CYP46A1: variants seen among roughly 807,000 people sequenced by gnomAD.
The protein encoded by CYP46A1 is cholesterol 24-hydroxylase.
CYP46A1 carries 20 observed loss-of-function variants against 63.3 expected under a neutral mutation model. The ratio of observed to expected loss-of-function variants is 0.32; its 90% CI spans 0.22 to 0.46. The LOEUF (loss-of-function observed/expected upper bound fraction) is 0.46. Among genes scored for constraint, CYP46A1 ranks in the 20% least tolerant of loss-of-function variants. The pLI is 1.00. For missense variants in CYP46A1, 445 were observed against 670.8 expected, an observed-to-expected ratio of 0.66 and a Z score of 3.72; for synonymous variants, 268 against 273.6, an observed-to-expected ratio of 0.98 and a Z score of 0.20.
Position 99,718,115 on chromosome 14 carries a change from G to T in CYP46A1, c.969G>T (p.Glu323Asp), listed in dbSNP as rs112687989. The T allele has an allele frequency of 6.2e-7, 1 of 1,614,036 alleles. No individual in the cohort carries two copies. The highest frequency in any genetic ancestry group is 1.3e-5 in the African/African-American group (1 of 74,942). Residue 323 changes from glutamate (E) to aspartate (D), a missense_variant, in exon 10 of 15, where the codon GAG (glutamate) becomes GAT (aspartate). Transcript: ENST00000261835. ...FTVMELSRQPEIVARLQAEVD... is the reference protein window; with the variant it reads ...FTVMELSRQPDIVARLQAEVD... ...TGATGGAGCTGTCTCGCCAGCCAGA[G>T]ATCGTGGCAAGGTATGGGGGCTGCT...
Position 99,722,874 on chromosome 14 carries a change from C to T in CYP46A1, c.1176+808C>T. The T allele has an allele frequency of 2.2e-6, 1 of 450,772 alleles. No individual in the cohort carries two copies. Among genetic ancestry groups the T allele is most frequent in the Non-Finnish European group, 4.5e-6 (1 of 222,804 alleles). 27.9% of individuals were successfully genotyped at this position (450,772 alleles called of 1,614,324 possible). On this transcript the variant is annotated intron_variant, in intron 12 of 14. Coordinates refer to ENST00000261835, the MANE Select transcript of CYP46A1 (RefSeq NM_006668.2). This position sits in a 1 kb window ranked among gnomAD's most constrained non-coding sequence, Gnocchi z 4.6. ...ACCACAGCAACGATGCCATTTCTGTCCGCATGTCCAGGAACAGTGTGCAAG... is the reference window on the plus strand; with the variant it reads ...ACCACAGCAACGATGCCATTTCTGTTCGCATGTCCAGGAACAGTGTGCAAG...
intron 10 of CYP46A1, among the ~76,000 whole-genome samples, chr14:99,720,367 GTTCTTTCT>G (rs1468295016): frequency 1.3e-5 from 2 of 151,470 alleles, no homozygotes; most frequent in African/African-American, 2.4e-5. Flanking sequence ...GTGCGCAAGG[GTTCTTTCT>G]GATTTGTCCA....
chr14:99,698,278 T>G (rs562720406), intron 3 of CYP46A1, among the ~76,000 whole-genome samples: 1 of 152,130 alleles, frequency 6.6e-6, no homozygotes, highest in African/African-American at 2.4e-5. Flanking sequence ...TCTGCCTGAA[T>G]GTACCAGGGG....
At position 99,725,667 on chromosome 14, in the gene CYP46A1, G is replaced by GC. The variant is rs1294347248; in HGVS notation, c.1265+192dup. ...GCCCAAGTGGCAGAGCAGGGGTCTG[G>GC]CCCCAGCTCAGTCTGGTTCTAAAGC... On this transcript the variant is annotated intron_variant, in intron 13 of 14. Transcript: ENST00000261835. The surrounding 1 kb of genome is among the most constrained non-coding windows in gnomAD (Gnocchi z 4.2). Among the ~76,000 whole-genome samples, 1 of 152,148 alleles carries GC rather than the reference G, an allele frequency of 6.6e-6. No homozygotes were observed. Among genetic ancestry groups the GC allele is most frequent in the African/African-American group, 2.4e-5 (1 of 41,428 alleles).
intron 4 of CYP46A1, 126 bp downstream of exon 4, chr14:99,699,665 T>G: frequency 1.0e-6 from 1 of 994,838 alleles, no homozygotes; most frequent in East Asian, 2.4e-5. Flanking sequence ...AGGCATGTGA[T>G]GAGTGCCCCG....
At chr14:99,690,087 T>C (rs1398705323) in intron 1 of CYP46A1, among the ~76,000 whole-genome samples, 1 of 152,178 alleles carries the variant, frequency 6.6e-6, no homozygotes, top group Non-Finnish European at 1.5e-5. Context: ...GCTGTTCCCA[T>C]TGCTTGGAAG....
chr14:99,706,440 A>T, intron 5 of CYP46A1: 2 of 580,926 alleles, frequency 3.4e-6, no homozygotes, highest in Admixed American at 3.1e-5. Flanking sequence ...ATCCATCCTG[A>T]GTGGAGGAGA....
At chr14:99,717,324 G>A (rs918490403) in intron 9 of CYP46A1, among the ~76,000 whole-genome samples, 7 of 152,152 alleles carry the variant, frequency 4.6e-5, no homozygotes, top group South Asian at 2.1e-4. Context: ...CCGAGGGCAC[G>A]GTGGGTTGTG....
chr14:99,694,371 C>CTTTTT (rs74872295), intron 3 of CYP46A1, among the ~76,000 whole-genome samples: 7 of 86,316 alleles, frequency 8.1e-5, no homozygotes, highest in Admixed American at 1.2e-4. Context: ...TTTGGGTTTT[C>CTTTTT]TTTTTTTTTT....
intron 1 of CYP46A1, among the ~76,000 whole-genome samples, chr14:99,684,985 T>G (rs1287222121): frequency 6.6e-6 from 1 of 152,062 alleles, no homozygotes; most frequent in East Asian, 1.9e-4. Flanking sequence ...TTCCTTTTGC[T>G]TGTATTTCTG....
intron 3 of CYP46A1, among the ~76,000 whole-genome samples, chr14:99,692,563 C>T (rs2056553064): frequency 6.7e-6 from 1 of 149,848 alleles, no homozygotes. Flanking sequence ...GGCACAGTGG[C>T]TCATGCCTGT....
At chr14:99,726,528 T>C in intron 14 of CYP46A1, 29 bp from the exon 15 acceptor site, 2 of 1,535,462 alleles carry the variant, frequency 1.3e-6, no homozygotes, top group Non-Finnish European at 8.8e-7. Context: ...GCTCCTTCAT[T>C]CCTTCCTCAT....
intron 7 of CYP46A1, chr14:99,708,162 G>A (rs947293825): frequency 4.7e-5 from 11 of 233,996 alleles, no homozygotes; most frequent in Middle Eastern, 1.6e-3. Flanking sequence ...GCCAGCACCC[G>A]TGCGCATCAT....
At chr14:99,693,944 C>G (rs888632762) in intron 3 of CYP46A1, among the ~76,000 whole-genome samples, 3 of 152,130 alleles carry the variant, frequency 2.0e-5, no homozygotes, top group Non-Finnish European at 4.4e-5. Context: ...TTTTCATCTT[C>G]CCTAACTGAA....
In CYP46A1 at chr14:99,695,540, C is replaced by A. The variant is rs186608965; in HGVS notation, c.282+3679C>A. ...TGACTCTTTTATCCTTAGAAATGTT[C>A]ATCTTTATTCTTAATAACATTCTTT... On this transcript the variant is annotated intron_variant, in intron 3 of 14. Transcript: ENST00000261835. 491 of 264,196 alleles carry A rather than the reference C, an allele frequency of 1.9e-3. 1 individual carries two copies. The highest frequency in any genetic ancestry group is 0.01 in the African/African-American group (444 of 43,774). The allele number at this position is 264,196 out of a possible 1,614,324, so 16.4% of individuals were successfully genotyped here. A position where few individuals can be genotyped will look rare whatever the true frequency, so the allele number is the denominator to read the frequency against.
intron 7 of CYP46A1, among the ~76,000 whole-genome samples, chr14:99,714,490 G>C (rs980135286): frequency 5.9e-5 from 9 of 152,134 alleles, no homozygotes; most frequent in African/African-American, 2.2e-4. Flanking sequence ...GCTGGGTGTG[G>C]CGGTTCATGC....
At chr14:99,714,477 G>A (rs1394754165) in intron 7 of CYP46A1, among the ~76,000 whole-genome samples, 1 of 152,122 alleles carries the variant, frequency 6.6e-6, no homozygotes, top group East Asian at 1.9e-4. Context: ...AAAATTTGGT[G>A]TAGCTGGGTG....
At chr14:99,706,596 C>A in intron 5 of CYP46A1, 51 bp from the exon 6 acceptor site, 2 of 1,604,330 alleles carry the variant, frequency 1.2e-6, no homozygotes, top group South Asian at 2.2e-5. Context: ...ACATGGCAGT[C>A]CACCATATTG....
At chr14:99,693,898 G>T (rs370892067) in intron 3 of CYP46A1, among the ~76,000 whole-genome samples, 30 of 152,178 alleles carry the variant, frequency 2.0e-4, no homozygotes, top group African/African-American at 6.7e-4. Flanking sequence ...CATTCACATT[G>T]TTGTACATCC....
Sources: allele counts gnomAD v4.1 joint callset (sites outside exome capture counted in the v4.1 genomes callset), GRCh38; gene constraint gnomAD v4.1.1; non-coding constraint Gnocchi (gnomAD v3.1); transcripts MANE v1.5; gene names NCBI Gene and HGNC (gene_info 2026-07-23, HGNC 2026-07-21).